Variants in ATG7 observed in about 807,000 individuals in gnomAD.
The protein encoded by ATG7 is autophagy related 7.
ATG7 carries 70 observed loss-of-function variants against 82.4 expected under a neutral mutation model. The observed-to-expected ratio is 0.85, with a 90% confidence interval of 0.70 to 1.04. ATG7 has a LOEUF of 1.04. ATG7 is among the 50% of genes least tolerant of loss of function. The pLI is 0.00. For synonymous variants in ATG7, 287 were observed against 313.0 expected (o/e 0.92, Z 0.88); for missense variants, 792 against 864.3 (o/e 0.92, Z 1.05).
chr3:11,514,274 A>G (rs915151631), intron 20 of ATG7, among the ~76,000 whole-genome samples: 11 of 152,362 alleles, frequency 7.2e-5, no homozygotes, highest in African/African-American at 2.4e-4. Context: ...GTTCTCATCT[A>G]CTAAGCAAAC....
chr3:11,572,933 C>T, the ATG7 span, among the ~76,000 whole-genome samples: 56 of 151,960 alleles, frequency 3.7e-4, no homozygotes, highest in Non-Finnish European at 5.9e-4. Flanking sequence ...TTTGGGAGGC[C>T]GAGACAGGTG....
chr3:11,401,616 T>TCATG (rs2079843636), intron 19 of ATG7, among the ~76,000 whole-genome samples: 1 of 152,184 alleles, frequency 6.6e-6, no homozygotes, highest in South Asian at 2.1e-4. Context: ...ATAGCATGTA[T>TCATG]CATGCACAGA....
rs186632693 is a variant in ATG7 at position 11,344,729 on chromosome 3, C to T, written c.1125+2450C>T. The stretch of plus-strand genomic sequence containing the variant: ...AAAAAAAATATAAAAATTAGCCAGG[C>T]TGTAGTGGCGCGTGCCTGTAGTTGC... On this transcript the variant is annotated intron_variant, in intron 13 of 20. Transcript: ENST00000693202. Among the ~76,000 whole-genome samples the T allele has an allele frequency of 8.7e-4, 133 of 152,140 alleles. 1 individual carries two copies. Among genetic ancestry groups the T allele is most frequent in the Admixed American group, 6.1e-3 (93 of 15,280 alleles).
intron 6 of ATG7, chr3:11,308,730 C>G (rs1397448897): frequency 1.9e-6 from 1 of 531,850 alleles, no homozygotes; most frequent in Non-Finnish European, 3.4e-6. Flanking sequence ...TGGTTGCCCC[C>G]TCGGTGCTGA....
intron 20 of ATG7, among the ~76,000 whole-genome samples, chr3:11,429,127 C>G (rs923531725): frequency 6.6e-6 from 1 of 152,164 alleles, no homozygotes; most frequent in Non-Finnish European, 1.5e-5. Context: ...GCCTGTGAGC[C>G]AGATACGGCT....
intron 11 of ATG7, among the ~76,000 whole-genome samples, chr3:11,338,584 G>T (rs1331293271): frequency 1.3e-5 from 2 of 152,188 alleles, no homozygotes; most frequent in African/African-American, 4.8e-5. Context: ...GAAGGCTGAA[G>T]CTGGAGGATC....
intron 20 of ATG7, among the ~76,000 whole-genome samples, chr3:11,523,630 T>C (rs75554906): frequency 0.024 from 3,703 of 152,298 alleles, 141 homozygotes; most frequent in African/African-American, 0.083. Context: ...CTGGGCCTGA[T>C]TTCCTTTGCA....
chr3:11,440,323 CT>C (rs59365367), intron 20 of ATG7, among the ~76,000 whole-genome samples: 32 of 113,834 alleles, frequency 2.8e-4, no homozygotes, highest in African/African-American at 7.4e-4. Flanking sequence ...GGCCTTTACT[CT>C]TTTTTTTTTT....
At chr3:11,558,549 G>C, downstream of ATG7, 1 of 1,592,546 alleles carries the variant, frequency 6.3e-7, no homozygotes, top group African/African-American at 1.3e-5. Flanking sequence ...TGGAGGAGGC[G>C]CTCCCTTCAG....
intron 20 of ATG7, among the ~76,000 whole-genome samples, chr3:11,438,376 G>T (rs2083557718): frequency 6.6e-6 from 1 of 152,122 alleles, no homozygotes. Flanking sequence ...AAACATTTAG[G>T]ACTTGAAAAG....
intron 19 of ATG7, among the ~76,000 whole-genome samples, chr3:11,415,154 AC>A (rs2081260939): frequency 6.6e-6 from 1 of 152,248 alleles, no homozygotes; most frequent in African/African-American, 2.4e-5. Context: ...AACGGTAAGT[AC>A]TTGTGTATCT....
At chr3:11,440,323 CTT>C (rs59365367) in intron 20 of ATG7, among the ~76,000 whole-genome samples, 1 of 113,846 alleles carries the variant, frequency 8.8e-6, no homozygotes, top group African/African-American at 3.4e-5. Context: ...GGCCTTTACT[CTT>C]TTTTTTTTTT....
chr3:11,443,544 G>A (rs2084205860), intron 20 of ATG7, among the ~76,000 whole-genome samples: 1 of 152,126 alleles, frequency 6.6e-6, no homozygotes, highest in Non-Finnish European at 1.5e-5. Flanking sequence ...GTGTCACTAT[G>A]TCTGGCTAAT....
chr3:11,441,847 A>G (rs1016323259), intron 20 of ATG7, among the ~76,000 whole-genome samples: 1 of 151,172 alleles, frequency 6.6e-6, no homozygotes, highest in African/African-American at 2.4e-5. Context: ...TCATATTTTT[A>G]GTAGACACAG....
chr3:11,509,726 T>G (rs2442795), intron 20 of ATG7, among the ~76,000 whole-genome samples: 129,897 of 152,140 alleles, frequency 0.85, 55,719 homozygotes, highest in East Asian at 0.98. Flanking sequence ...ATTCATTTTA[T>G]AGCCAACTTT....
intron 3 of ATG7, among the ~76,000 whole-genome samples, chr3:11,284,684 C>T (rs1489654181): frequency 4.0e-5 from 6 of 151,150 alleles, no homozygotes; most frequent in Non-Finnish European, 5.9e-5. Flanking sequence ...CCTGAGTAGT[C>T]GGGACCACAG....
At chr3:11,570,143 A>G in the ATG7 span, among the ~76,000 whole-genome samples, 6 of 152,146 alleles carry the variant, frequency 3.9e-5, no homozygotes, top group African/African-American at 1.4e-4. Context: ...AGAGATGACC[A>G]AGGTGGAGAA....
At chr3:11,503,873 T>G (rs2091525072) in intron 20 of ATG7, among the ~76,000 whole-genome samples, 1 of 150,834 alleles carries the variant, frequency 6.6e-6, no homozygotes, top group African/African-American at 2.4e-5. Flanking sequence ...TTCCAGAAAC[T>G]AAGCAAAAAG....
chr3:11,417,811 T>TTTTTA (rs2081521171), intron 19 of ATG7, among the ~76,000 whole-genome samples: 1 of 53,116 alleles, frequency 1.9e-5, no homozygotes, highest in Admixed American at 1.8e-4. Flanking sequence ...TTTTATTTTA[T>TTTTTA]TTTATTTTTT....
Sources: allele counts gnomAD v4.1 joint callset (sites outside exome capture counted in the v4.1 genomes callset), GRCh38; gene constraint gnomAD v4.1.1; transcripts MANE v1.5; gene names NCBI Gene and HGNC (gene_info 2026-07-23, HGNC 2026-07-21).